SHISA9: variants seen among roughly 807,000 people sequenced by gnomAD.
SHISA9 encodes the protein protein shisa-9.
SHISA9 carries 13 observed loss-of-function variants against 38.0 expected under a neutral mutation model. The ratio of observed to expected loss-of-function variants is 0.34; its 90% CI spans 0.22 to 0.54. SHISA9 has a LOEUF of 0.54. SHISA9 is among the 20% of genes least tolerant of loss of function. The pLI is 0.91. For missense variants in SHISA9, 538 were observed against 575.8 expected (o/e 0.93, Z 0.67); for synonymous variants, 275 against 242.0 (o/e 1.14, Z -1.27).
intron 2 of SHISA9, among the ~76,000 whole-genome samples, chr16:13,130,893 C>G (rs1484135822): frequency 6.6e-6 from 1 of 152,144 alleles, no homozygotes; most frequent in African/African-American, 2.4e-5. Flanking sequence ...TAGAGAAATG[C>G]AAATCGAAAC....
chr16:13,507,175 A>G, the SHISA9 span, among the ~76,000 whole-genome samples: 180 of 152,058 alleles, frequency 1.2e-3, no homozygotes, highest in African/African-American at 4.2e-3. Flanking sequence ...AGATCCAACC[A>G]TAATAATAAT....
At chr16:12,955,372 A>G (rs942278580) in intron 2 of SHISA9, among the ~76,000 whole-genome samples, 4 of 152,184 alleles carry the variant, frequency 2.6e-5, no homozygotes, top group African/African-American at 9.7e-5. Flanking sequence ...TAACCAGCAC[A>G]TTCAGTCTCT....
chr16:13,468,858 A>G, the SHISA9 span, among the ~76,000 whole-genome samples: 3 of 151,988 alleles, frequency 2.0e-5, no homozygotes, highest in Non-Finnish European at 4.4e-5. Flanking sequence ...TTTGTTTTAT[A>G]TATGTATGTG....
chr16:13,308,180 C>T, the SHISA9 span, among the ~76,000 whole-genome samples: 1 of 149,712 alleles, frequency 6.7e-6, no homozygotes, highest in Middle Eastern at 3.6e-3. Flanking sequence ...TGTTCTGGGA[C>T]TTTCTAACGC....
chr16:12,980,444 G>A (rs1322542470), intron 2 of SHISA9, among the ~76,000 whole-genome samples: 2 of 152,116 alleles, frequency 1.3e-5, no homozygotes, highest in Admixed American at 6.5e-5. Context: ...CATTGCTGAT[G>A]AAAAATTCTG....
chr16:13,322,855 C>T, the SHISA9 span, among the ~76,000 whole-genome samples: 5 of 152,146 alleles, frequency 3.3e-5, no homozygotes, highest in Non-Finnish European at 7.4e-5. Flanking sequence ...TTGTTTAACT[C>T]CCACATTATG....
At chr16:13,032,675 A>G (rs2073006166) in intron 2 of SHISA9, among the ~76,000 whole-genome samples, 1 of 152,162 alleles carries the variant, frequency 6.6e-6, no homozygotes, top group African/African-American at 2.4e-5. Flanking sequence ...GACTGTTCTC[A>G]TCTACTTCTT....
intron 2 of SHISA9, among the ~76,000 whole-genome samples, chr16:13,068,955 G>T (rs2073469444): frequency 6.6e-6 from 1 of 151,916 alleles, no homozygotes; most frequent in Non-Finnish European, 1.5e-5. Flanking sequence ...GCGCATATGT[G>T]TACATATGCA....
At chr16:12,913,827 T>C (rs1186930815) in intron 1 of SHISA9, among the ~76,000 whole-genome samples, 1 of 152,162 alleles carries the variant, frequency 6.6e-6, no homozygotes, top group Non-Finnish European at 1.5e-5. Flanking sequence ...ATTTACGTTG[T>C]AGCAGGTACT....
At chr16:13,200,442 A>ACACACACACACACACACACACACAC (rs1555470817) in intron 2 of SHISA9, among the ~76,000 whole-genome samples, 8 of 132,248 alleles carry the variant, frequency 6.0e-5, no homozygotes, top group African/African-American at 2.3e-4. Context: ...ACACACACAC[A>ACACACACACACACACACACACACAC]GCAGCAGCAG....
the SHISA9 span, among the ~76,000 whole-genome samples, chr16:13,496,519 A>G: frequency 6.6e-6 from 1 of 152,258 alleles, no homozygotes; most frequent in African/African-American, 2.4e-5. Flanking sequence ...TAAGGAAACC[A>G]CTATTATTTA....
At chr16:12,953,590 ATAAGACCTAT>A (rs1243495981) in intron 2 of SHISA9, among the ~76,000 whole-genome samples, 1 of 152,220 alleles carries the variant, frequency 6.6e-6, no homozygotes, top group Non-Finnish European at 1.5e-5. Flanking sequence ...GTAGGCATAA[ATAAGACCTAT>A]TACTCTTTTA....
the SHISA9 span, among the ~76,000 whole-genome samples, chr16:13,324,146 G>A: frequency 3.3e-5 from 5 of 152,198 alleles, no homozygotes; most frequent in Admixed American, 6.5e-5. Context: ...AGAAGCAGAT[G>A]CTGGTGCTAC....
intron 2 of SHISA9, among the ~76,000 whole-genome samples, chr16:13,131,181 C>T (rs1355561194): frequency 6.6e-6 from 1 of 152,058 alleles, no homozygotes; most frequent in African/African-American, 2.4e-5. Flanking sequence ...CATTGCTGCA[C>T]TATTCACAAT....
the SHISA9 span, among the ~76,000 whole-genome samples, chr16:13,376,006 G>A: frequency 1.3e-5 from 2 of 152,122 alleles, no homozygotes; most frequent in South Asian, 2.1e-4. Flanking sequence ...GAAAACTCAC[G>A]TTTTCTGATT....
chr16:13,528,008 A>G, the SHISA9 span, among the ~76,000 whole-genome samples: 3 of 152,296 alleles, frequency 2.0e-5, no homozygotes, highest in Non-Finnish European at 2.9e-5. Flanking sequence ...TACCTCTGCG[A>G]ACCACAGGCT....
chr16:13,430,944 A>G, the SHISA9 span, among the ~76,000 whole-genome samples: 1 of 151,416 alleles, frequency 6.6e-6, no homozygotes, highest in Non-Finnish European at 1.5e-5. Context: ...AGAAAGATGT[A>G]TATTTTGAAA....
chr16:13,045,230 C>G (rs1394622217), intron 2 of SHISA9, among the ~76,000 whole-genome samples: 1 of 152,212 alleles, frequency 6.6e-6, no homozygotes. Context: ...TGGATACTTA[C>G]TAAGTGCTGT....
chr16:13,330,249 A>T, the SHISA9 span, among the ~76,000 whole-genome samples: 9 of 152,316 alleles, frequency 5.9e-5, no homozygotes, highest in Admixed American at 2.0e-4. Flanking sequence ...GGGTGACTTG[A>T]TCAACCAGGA....
Sources: allele counts gnomAD v4.1 joint callset (sites outside exome capture counted in the v4.1 genomes callset), GRCh38; gene constraint gnomAD v4.1.1; transcripts MANE v1.5; gene names NCBI Gene and HGNC (gene_info 2026-07-23, HGNC 2026-07-21).